VWA8: variants seen among roughly 807,000 people sequenced by gnomAD.
VWA8 encodes von Willebrand factor A domain-containing protein 8.
In VWA8, 221 loss-of-function variants were observed where a neutral mutation model predicts 241.5. The ratio of observed to expected loss-of-function variants is 0.91; its 90% CI spans 0.82 to 1.02. The LOEUF (loss-of-function observed/expected upper bound fraction) is 1.02, where lower values mean the gene tolerates loss of function less well. Ranked by LOEUF, VWA8 falls within the 50% of genes least tolerant of loss-of-function variation. VWA8 has a pLI of 0.00. For synonymous variants in VWA8, 852 were observed against 827.1 expected, an observed-to-expected ratio of 1.03 and a Z score of -0.52; for missense variants, 2,322 against 2,328.7, an observed-to-expected ratio of 1.00 and a Z score of 0.06.
intron 29 of VWA8, 57 bp from the exon 30 acceptor site, chr13:41,693,029 T>C (rs1173961557): frequency 1.9e-6 from 2 of 1,045,176 alleles, no homozygotes; most frequent in Admixed American, 2.6e-5. Flanking sequence ...TTTTTTTTTT[T>C]AAAGCAGCAA....
chr13:41,915,134 G>T (rs1876190621), intron 2 of VWA8, among the ~76,000 whole-genome samples: 1 of 152,172 alleles, frequency 6.6e-6, no homozygotes, highest in African/African-American at 2.4e-5. Context: ...AGCCATAATA[G>T]AGACATTTGT....
intron 17 of VWA8, chr13:41,808,087 G>A (rs1227506898): frequency 6.6e-6 from 1 of 152,004 alleles, no homozygotes; most frequent in East Asian, 1.9e-4. Context: ...AGACAAAATA[G>A]ACTTCAAGAC....
intron 39 of VWA8, among the ~76,000 whole-genome samples, chr13:41,610,877 A>T (rs1412858420): frequency 6.6e-6 from 1 of 152,130 alleles, no homozygotes; most frequent in East Asian, 1.9e-4. Context: ...GGCCCAGAAC[A>T]GCTGGGGAAT....
chr13:41,866,575 T>C (rs1873324973), intron 10 of VWA8, among the ~76,000 whole-genome samples: 1 of 152,098 alleles, frequency 6.6e-6, no homozygotes. Flanking sequence ...ATAGATCTGA[T>C]GATCATTATT....
intron 5 of VWA8, among the ~76,000 whole-genome samples, chr13:41,890,831 G>T (rs1287591881): frequency 6.6e-6 from 1 of 152,218 alleles, no homozygotes; most frequent in African/African-American, 2.4e-5. Context: ...CACTGTTAAG[G>T]CGATCACTGA....
intron 1 of VWA8, among the ~76,000 whole-genome samples, chr13:41,959,642 C>A: frequency 1.0e-5 from 1 of 99,934 alleles, no homozygotes; most frequent in Non-Finnish European, 1.9e-5. Flanking sequence ...GAGTCTTGCT[C>A]TGTCGCCCAG....
At position 41,691,328 on chromosome 13, in the gene VWA8, T is replaced by G; in HGVS notation, c.3858A>C (p.Lys1286Asn). ...AEDKWLLVES[K>N]TNQKYLLTKP... ...TATATAAAGCCACTCACTGATTTGT[T>G]TTGCTCTCCACCAGAAGCCATTTGT... The change falls in exon 32 of 45, where the codon AAA becomes AAC. Residue 1286 changes from lysine to asparagine, a missense_variant. Coordinates refer to ENST00000379310, the MANE Select transcript of VWA8 (RefSeq NM_015058.2). The G allele has an allele frequency of 6.2e-7, 1 of 1,612,160 alleles. No individual in the cohort carries two copies. Among genetic ancestry groups the G allele is most frequent in the Non-Finnish European group, 8.5e-7 (1 of 1,178,686 alleles).
At chr13:41,572,835 C>T (rs532415765) in intron 43 of VWA8, among the ~76,000 whole-genome samples, 35 of 148,196 alleles carry the variant, frequency 2.4e-4, no homozygotes, top group African/African-American at 7.5e-4. Flanking sequence ...ACAGGCCGGG[C>T]GCGGTGGCTC....
intron 12 of VWA8, among the ~76,000 whole-genome samples, chr13:41,841,717 G>A (rs1214754439): frequency 5.7e-5 from 8 of 141,382 alleles, no homozygotes; most frequent in Middle Eastern, 3.8e-3. Context: ...CCAAGGAGGC[G>A]GAGCTTGCAG....
At chr13:41,799,378 C>T (rs1398599978) in intron 17 of VWA8, among the ~76,000 whole-genome samples, 1 of 152,186 alleles carries the variant, frequency 6.6e-6, no homozygotes, top group Non-Finnish European at 1.5e-5. Context: ...ACTACCTTTA[C>T]AGACGGCATC....
chr13:41,922,999 G>A (rs537786693), intron 2 of VWA8, among the ~76,000 whole-genome samples: 2 of 152,208 alleles, frequency 1.3e-5, no homozygotes, highest in East Asian at 1.9e-4. Context: ...TGTTTACTGC[G>A]GCATTATTCA....
intron 1 of VWA8, among the ~76,000 whole-genome samples, chr13:41,954,902 T>C (rs1878288880): frequency 6.6e-6 from 1 of 152,206 alleles, no homozygotes; most frequent in African/African-American, 2.4e-5. Flanking sequence ...AAGGGATACA[T>C]ATTTTTAAAA....
intron 12 of VWA8, among the ~76,000 whole-genome samples, chr13:41,851,247 A>G (rs1173920706): frequency 6.6e-6 from 1 of 151,990 alleles, no homozygotes; most frequent in East Asian, 1.9e-4. Context: ...CCACCTAAGG[A>G]CTCCAGCAGC....
At chr13:41,739,854 T>TTG in intron 21 of VWA8, among the ~76,000 whole-genome samples, 1 of 58,640 alleles carries the variant, frequency 1.7e-5, no homozygotes. Context: ...TTTTGTTTTT[T>TTG]TTGTTTTTTT....
At chr13:41,780,087 C>T (rs1284961734) in intron 19 of VWA8, among the ~76,000 whole-genome samples, 1 of 152,212 alleles carries the variant, frequency 6.6e-6, no homozygotes, top group African/African-American at 2.4e-5. Flanking sequence ...CTTCTACCTT[C>T]TTACATGCTT....
chr13:41,912,060 C>T lies in VWA8; in HGVS notation c.350G>A (p.Arg117His), dbSNP rs1323552190. The change falls in exon 3 of 45, where the codon CGC becomes CAC. Residue 117 changes from arginine to histidine, a missense_variant. Arg to His is a conservative substitution (Grantham distance 29). Coordinates refer to ENST00000379310, the MANE Select transcript of VWA8 (RefSeq NM_015058.2). Reference sequence around the variant, plus strand: ...CACCAAGTACTGCATAGCAATAGAGCGTCGAAGAGGCCCAGGAGGTCCTAT... The same window carrying T: ...CACCAAGTACTGCATAGCAATAGAGTGTCGAAGAGGCCCAGGAGGTCCTAT... ...FLIGPPGPLR[R>H]SIAMQYLELT... 5.0e-6 allele frequency: 8 copies of T among 1,597,826 alleles called. No individual in the cohort carries two copies. The highest frequency in any genetic ancestry group is 1.1e-5 in the South Asian group (1 of 87,928).
chr13:41,876,027 C>G (rs1178037365), intron 9 of VWA8, among the ~76,000 whole-genome samples: 2 of 151,996 alleles, frequency 1.3e-5, no homozygotes, highest in Non-Finnish European at 2.9e-5. Context: ...CTGTATCAAC[C>G]CTACATCTAA....
At chr13:41,690,138 C>G in intron 33 of VWA8, 28 bp downstream of exon 33, 5 of 1,585,736 alleles carry the variant, frequency 3.2e-6, no homozygotes, top group Non-Finnish European at 4.3e-6. Context: ...ACTCACACAG[C>G]CATAAACACA....
intron 20 of VWA8, 152 bp from the exon 21 acceptor site, chr13:41,761,356 T>C: frequency 3.0e-6 from 2 of 668,070 alleles, no homozygotes; most frequent in Non-Finnish European, 5.1e-6. Flanking sequence ...CAAACATATA[T>C]GGAATATCTC....
Sources: allele counts gnomAD v4.1 joint callset (sites outside exome capture counted in the v4.1 genomes callset), GRCh38; gene constraint gnomAD v4.1.1; transcripts MANE v1.5; gene names NCBI Gene and HGNC (gene_info 2026-07-23, HGNC 2026-07-21).